The following GLI2 variants were observed in gnomAD, a reference collection of about 807,000 sequenced individuals.
The protein encoded by GLI2 is transcription activator GLI2.
A neutral mutation model predicts 78.9 loss-of-function variants in GLI2; 22 were observed. That is an observed-to-expected ratio of 0.28 (90% CI 0.20 to 0.40). The LOEUF (loss-of-function observed/expected upper bound fraction) is 0.40, where lower values mean the gene tolerates loss of function less well. GLI2 is among the 10% of genes least tolerant of loss of function. The probability of loss-of-function intolerance (pLI) is 1.00; values close to 1 mark genes in which losing one functional copy is unlikely to be tolerated. For synonymous variants in GLI2, 974 were observed against 963.7 expected (o/e 1.01, Z -0.20); for missense variants, 2,097 against 2,213.2 (o/e 0.95, Z 1.05).
intron 1 of GLI2, among the ~76,000 whole-genome samples, chr2:120,760,335 G>T (rs1327368915): frequency 6.6e-6 from 1 of 152,174 alleles, no homozygotes; most frequent in Non-Finnish European, 1.5e-5. Flanking sequence ...GTCCAAGGAG[G>T]TCTGGGGCCT....
intron 3 of GLI2, among the ~76,000 whole-genome samples, chr2:120,937,539 C>T (rs550335386): frequency 3.9e-5 from 6 of 152,244 alleles, no homozygotes; most frequent in Non-Finnish European, 7.4e-5. Flanking sequence ...GAACAGAAAG[C>T]GCTTATCAGC....
intron 1 of GLI2, among the ~76,000 whole-genome samples, chr2:120,755,607 A>G (rs1229676858): frequency 6.6e-6 from 1 of 151,964 alleles, no homozygotes; most frequent in African/African-American, 2.4e-5. Flanking sequence ...AGTTTGTCAA[A>G]TTTTTCTTGT....
chr2:120,929,224 A>G (rs1015829316), intron 3 of GLI2, among the ~76,000 whole-genome samples: 3 of 152,224 alleles, frequency 2.0e-5, no homozygotes, highest in East Asian at 1.9e-4. Flanking sequence ...CAGGAGGCCT[A>G]TGATCTTCAC....
intron 1 of GLI2, among the ~76,000 whole-genome samples, chr2:120,771,131 C>A (rs886961192): frequency 6.6e-6 from 1 of 152,232 alleles, no homozygotes; most frequent in African/African-American, 2.4e-5. Context: ...GTGGGCTCTG[C>A]CTGTGTCCTG....
intron 3 of GLI2, among the ~76,000 whole-genome samples, chr2:120,945,443 T>G (rs1375609650): frequency 6.6e-6 from 1 of 152,140 alleles, no homozygotes; most frequent in Non-Finnish European, 1.5e-5. Flanking sequence ...CCAGGGACCC[T>G]CTCCTGTTCT....
At chr2:120,985,347 G>C (rs772579752) in intron 12 of GLI2, among the ~76,000 whole-genome samples, 1 of 152,192 alleles carries the variant, frequency 6.6e-6, no homozygotes, top group East Asian at 1.9e-4. Context: ...ACAGGCACAC[G>C]GCAGGGCACT....
At chr2:120,835,530 C>T (rs1162619495) in intron 2 of GLI2, among the ~76,000 whole-genome samples, 6 of 151,804 alleles carry the variant, frequency 4.0e-5, no homozygotes, top group South Asian at 2.1e-4. Context: ...GGATTATAGG[C>T]GCCCGCCACC....
chr2:120,851,983 G>C (rs543571394), intron 2 of GLI2, among the ~76,000 whole-genome samples: 2 of 152,318 alleles, frequency 1.3e-5, no homozygotes, highest in East Asian at 3.9e-4. Context: ...TCTGGTAGGA[G>C]GGGCAGCATT....
chr2:120,816,509 T>C (rs1273078610), intron 2 of GLI2, among the ~76,000 whole-genome samples: 1 of 152,170 alleles, frequency 6.6e-6, no homozygotes, highest in Admixed American at 6.5e-5. Context: ...AGAGCTTTTT[T>C]AATGTGGGTT....
intron 1 of GLI2, among the ~76,000 whole-genome samples, chr2:120,742,242 TC>T (rs1300648939): frequency 6.6e-6 from 1 of 152,160 alleles, no homozygotes; most frequent in Non-Finnish European, 1.5e-5. Flanking sequence ...TCTCTTCCAT[TC>T]GTCTTGACCT....
chr2:120,764,727 C>T (rs570189178), intron 1 of GLI2, among the ~76,000 whole-genome samples: 1 of 152,148 alleles, frequency 6.6e-6, no homozygotes, highest in Non-Finnish European at 1.5e-5. Flanking sequence ...GTTAAAAGTG[C>T]GTGTTGCTAT....
chr2:120,988,684 G>A lies in GLI2; in HGVS notation c.2719G>A (p.Glu907Lys), dbSNP rs1177884230. Reference sequence around the variant, plus strand: ...CAGGCTGGCGCTGCTGGACGCGCCCGAGCGCACGCTGCCCGCCGGCTGCCC... The same window carrying A: ...CAGGCTGGCGCTGCTGGACGCGCCCAAGCGCACGCTGCCCGCCGGCTGCCC... ...RTRLALLDAP[E>K]RTLPAGCPRP... Residue 907 changes from glutamate to lysine, a missense_variant, in exon 14 of 14, where the codon GAG (glutamate) becomes AAG (lysine). Physicochemically the swap from Glu to Lys is moderately conservative, Grantham distance 56 (BLOSUM62 1). This residue lies in a region of GLI2 where 1,290 missense variants were observed against 1,261.7 expected (regional missense o/e 1.02). Coordinates refer to ENST00000361492, the MANE Select transcript of GLI2 (RefSeq NM_001374353.1). The A allele has an allele frequency of 5.4e-6, 7 of 1,303,462 alleles. No homozygotes were observed. Among genetic ancestry groups the A allele is most frequent in the Non-Finnish European group, 6.8e-6 (7 of 1,022,054 alleles). 80.7% of individuals were successfully genotyped at this position (1,303,462 alleles called of 1,614,324 possible).
At chr2:120,769,617 A>G (rs1573360382) in intron 1 of GLI2, among the ~76,000 whole-genome samples, 1 of 152,192 alleles carries the variant, frequency 6.6e-6, no homozygotes, top group Admixed American at 6.5e-5. Context: ...TTGCCCCTGC[A>G]GTGCTCATGC....
intron 2 of GLI2, among the ~76,000 whole-genome samples, chr2:120,827,340 T>G (rs532747183): frequency 6.6e-6 from 1 of 152,340 alleles, no homozygotes; most frequent in South Asian, 2.1e-4. Context: ...ATACCCATAC[T>G]GTGTGAATAG....
intron 2 of GLI2, among the ~76,000 whole-genome samples, chr2:120,826,829 C>T (rs1328085647): frequency 2.0e-5 from 3 of 152,156 alleles, no homozygotes; most frequent in African/African-American, 4.8e-5. Context: ...GCTCAGAGCC[C>T]GTTTCAGATC....
chr2:120,958,726 T>C (rs1191634373), intron 5 of GLI2, among the ~76,000 whole-genome samples: 1 of 152,138 alleles, frequency 6.6e-6, no homozygotes, highest in African/African-American at 2.4e-5. Context: ...CTGAGCTCAT[T>C]CCTGCACAGA....
intron 4 of GLI2, among the ~76,000 whole-genome samples, chr2:120,954,771 G>A (rs559037198): frequency 1.3e-5 from 2 of 152,324 alleles, no homozygotes; most frequent in African/African-American, 4.8e-5. Flanking sequence ...GATGTGTGCA[G>A]GCCAGGAGCT....
rs142626503 is a variant in GLI2 at position 120,800,473 on chromosome 2, T to TTTATTATTA, written c.148+3017_148+3025dup. Among the ~76,000 whole-genome samples, 969 of 148,536 alleles carry TTTATTATTA rather than the reference T, an allele frequency of 6.5e-3. 12 individuals carry two copies. Among genetic ancestry groups the TTTATTATTA allele is most frequent in the African/African-American group, 0.018 (747 of 40,602 alleles). ...TTTGCTGTCTGGCGGAAAGGGATGA[T>TTTATTATTA]TTATTATTATTATTATTATTTTATT... On this transcript the variant is annotated intron_variant, in intron 2 of 13. Transcript: ENST00000361492. This position sits in a 1 kb window ranked among gnomAD's most constrained non-coding sequence, Gnocchi z 4.1.
At chr2:120,829,668 C>T (rs924834182) in intron 2 of GLI2, among the ~76,000 whole-genome samples, 8 of 152,212 alleles carry the variant, frequency 5.3e-5, no homozygotes, top group East Asian at 1.9e-4. Context: ...GTGTCCCATC[C>T]GTTCTCCAAG....
Sources: allele counts gnomAD v4.1 joint callset (sites outside exome capture counted in the v4.1 genomes callset), GRCh38; gene constraint gnomAD v4.1.1; regional missense constraint gnomAD v4.1.1; non-coding constraint Gnocchi (gnomAD v3.1); transcripts MANE v1.5; gene names NCBI Gene and HGNC (gene_info 2026-07-23, HGNC 2026-07-21).